The following ADAMTS20 variants were observed in gnomAD, a reference collection of about 807,000 sequenced individuals.
ADAMTS20 encodes ADAM metallopeptidase with thrombospondin type 1 motif 20, also known as A disintegrin and metalloproteinase with thrombospondin motifs 20.
In ADAMTS20, 225 loss-of-function variants were observed where a neutral mutation model predicts 260.1. The ratio of observed to expected loss-of-function variants is 0.87; its 90% CI spans 0.78 to 0.97. The LOEUF (loss-of-function observed/expected upper bound fraction) is 0.97. Among genes scored for constraint, ADAMTS20 ranks in the 50% least tolerant of loss-of-function variants. ADAMTS20 has a pLI of 0.00. For missense variants in ADAMTS20, 2,400 were observed against 2,337.7 expected (o/e 1.03, Z -0.55); for synonymous variants, 802 against 769.5 (o/e 1.04, Z -0.70).
intron 36 of ADAMTS20, among the ~76,000 whole-genome samples, chr12:43,370,314 C>A (rs139522359): frequency 1.3e-5 from 2 of 152,312 alleles, no homozygotes; most frequent in African/African-American, 4.8e-5. Context: ...AGCCCAGGTA[C>A]AATGAGGTCA....
chr12:43,399,252 T>C lies in ADAMTS20; in HGVS notation c.4285-19A>G. On this transcript the variant is annotated intron_variant, in intron 28 of 38. Transcript: ENST00000389420. ...CTGAGCACTAGAAAAGAAATATGAA[T>C]GCACTTGATTCATTTTCTTCTTGAT... 1 of 1,439,174 alleles carries C rather than the reference T, an allele frequency of 6.9e-7. No homozygotes were observed. Among genetic ancestry groups the C allele is most frequent in the East Asian group, 2.7e-5 (1 of 37,672 alleles). The allele number at this position is 1,439,174 out of a possible 1,614,324, so 89.2% of individuals were successfully genotyped here. A position where few individuals can be genotyped will look rare whatever the true frequency, so the allele number is the denominator to read the frequency against.
rs148002341 is a variant in ADAMTS20, at chr12:43,362,253, T to C, written c.5539-5665A>G. On this transcript the variant is annotated intron_variant, in intron 37 of 38. Coordinates refer to ENST00000389420, the MANE Select transcript of ADAMTS20 (RefSeq NM_025003.5). ...TGTTCAGAATGTTAAAAGTTTTAGA[T>C]TACACATCCTTGACTTAAGAACACG... Among the ~76,000 whole-genome samples the C allele has an allele frequency of 7.1e-3, 1,086 of 152,286 alleles. 15 individuals are homozygous for C. The highest frequency in any genetic ancestry group is 0.026 in the African/African-American group (1,064 of 41,552).
rs371950061 is a variant in ADAMTS20 at position 43,375,560 on chromosome 12, A to G, written c.5313-48T>C. 19 of 1,595,592 alleles carry G rather than the reference A, an allele frequency of 1.2e-5. No individual in the cohort carries two copies. In the African/African-American group the frequency reaches 2.4e-4, roughly 20 times the overall value. Reference sequence around the variant, plus strand: ...TAGTATTAGATGCAGTTACGAGGCCATAATGTAGACAAACTTTGGGAGTAG... The same window carrying G: ...TAGTATTAGATGCAGTTACGAGGCCGTAATGTAGACAAACTTTGGGAGTAG... On this transcript the variant is annotated intron_variant, in intron 35 of 38. Transcript: ENST00000389420.
At chr12:43,507,005 G>A (rs979832292) in intron 3 of ADAMTS20, among the ~76,000 whole-genome samples, 15 of 151,044 alleles carry the variant, frequency 9.9e-5, no homozygotes, top group African/African-American at 3.6e-4. Context: ...CTAGTTATAA[G>A]ATGAATAATG....
At chr12:43,530,998 ACT>A (rs965113103) in intron 3 of ADAMTS20, among the ~76,000 whole-genome samples, 9 of 151,930 alleles carry the variant, frequency 5.9e-5, no homozygotes, top group Non-Finnish European at 1.0e-4. Context: ...TCCTGGAGAA[ACT>A]CTCAAAAACA....
chr12:43,464,399 A>C (rs990591232), intron 10 of ADAMTS20, among the ~76,000 whole-genome samples, 192 bp downstream of exon 10: 16 of 152,164 alleles, frequency 1.1e-4, no homozygotes, highest in African/African-American at 3.9e-4. Context: ...TTAAGTACCC[A>C]AAACAGTACC....
intron 2 of ADAMTS20, among the ~76,000 whole-genome samples, chr12:43,549,952 A>G (rs1943490148): frequency 6.6e-6 from 1 of 152,248 alleles, no homozygotes; most frequent in African/African-American, 2.4e-5. Context: ...ACCTTCCAGA[A>G]GTATCTTTTG....
chr12:43,480,858 T>C (rs931574102), intron 7 of ADAMTS20, among the ~76,000 whole-genome samples: 9 of 152,082 alleles, frequency 5.9e-5, no homozygotes, highest in African/African-American at 1.7e-4. Context: ...AAAGGGTACA[T>C]AGTTTCAGTT....
intron 29 of ADAMTS20, among the ~76,000 whole-genome samples, chr12:43,391,029 A>T (rs1940585362): frequency 1.3e-5 from 2 of 152,216 alleles, no homozygotes; most frequent in African/African-American, 4.8e-5. Flanking sequence ...CTCATGGCTT[A>T]TAAACAACAG....
intron 2 of ADAMTS20, among the ~76,000 whole-genome samples, chr12:43,549,740 G>A (rs1470748767): frequency 1.3e-5 from 2 of 152,038 alleles, no homozygotes; most frequent in Non-Finnish European, 2.9e-5. Context: ...TATTTTACAT[G>A]GAAGAAAGAA....
chr12:43,434,321 C>T lies in ADAMTS20; in HGVS notation c.2644G>A (p.Val882Met), dbSNP rs1369690917. Residue 882 changes from valine (V) to methionine (M), a missense_variant, in exon 19 of 39, where the codon GTG becomes ATG. Coordinates refer to ENST00000389420, the MANE Select transcript of ADAMTS20 (RefSeq NM_025003.5). ...AAGTGGTCACATTCTTTATCAGACACAACACTATGATCACTCTTATGTATG... is the reference window on the plus strand; with the variant it reads ...AAGTGGTCACATTCTTTATCAGACATAACACTATGATCACTCTTATGTATG... ...TCIHKSDHSV[V>M]SDKECDHLPL... 6.3e-7 allele frequency: 1 copy of T among 1,593,164 alleles called. No individual in the cohort carries two copies. Among genetic ancestry groups the T allele is most frequent in the East Asian group, 2.3e-5 (1 of 44,354 alleles).
Position 43,369,341 on chromosome 12 carries a change from T to G in ADAMTS20, c.5487A>C (p.Ala1829=). The change falls in exon 37 of 39, where the codon GCA becomes GCC. Residue 1829 remains alanine, a synonymous_variant. Transcript: ENST00000389420. ...AATCTCCAGCTGTGGCAAATGGAACTGCATTTCCAAATATTGTTTTGGAAA... is the reference window on the plus strand; with the variant it reads ...AATCTCCAGCTGTGGCAAATGGAACGGCATTTCCAAATATTGTTTTGGAAA... ...LLFSKTIFGN[A]VPFATAGDCY... 1 of 1,567,548 alleles carries G rather than the reference T, an allele frequency of 6.4e-7. No individual in the cohort carries two copies. The highest frequency in any genetic ancestry group is 8.6e-7 in the Non-Finnish European group (1 of 1,158,186).
chr12:43,373,292 A>C (rs1940145049), intron 36 of ADAMTS20, among the ~76,000 whole-genome samples: 1 of 152,238 alleles, frequency 6.6e-6, no homozygotes, highest in Non-Finnish European at 1.5e-5. Context: ...AAAGCAGTCT[A>C]GTTAACAGCA....
At chr12:43,443,541 G>T (rs1941705183) in intron 16 of ADAMTS20, among the ~76,000 whole-genome samples, 1 of 151,576 alleles carries the variant, frequency 6.6e-6, no homozygotes, top group Non-Finnish European at 1.5e-5. Context: ...ATAATTTCTG[G>T]TTATCTAAAA....
chr12:43,523,735 C>G (rs1943102880), intron 3 of ADAMTS20, among the ~76,000 whole-genome samples: 1 of 152,052 alleles, frequency 6.6e-6, no homozygotes, highest in South Asian at 2.1e-4. Context: ...GAACATGAGA[C>G]CATCTCCCCA....
intron 28 of ADAMTS20, among the ~76,000 whole-genome samples, chr12:43,405,229 C>CAAAAAAAAAAA (rs869040570): frequency 1.9e-4 from 10 of 52,776 alleles, no homozygotes; most frequent in African/African-American, 6.2e-4. Context: ...CTCATCTCTA[C>CAAAAAAAAAAA]AAAAAAAAAA....
At chr12:43,492,355 G>C in intron 6 of ADAMTS20, 150 bp downstream of exon 6, 1 of 926,702 alleles carries the variant, frequency 1.1e-6, no homozygotes, top group East Asian at 3.0e-5. Context: ...ACTCCACCCT[G>C]GGCGACAGAG....
intron 7 of ADAMTS20, among the ~76,000 whole-genome samples, chr12:43,472,248 G>A (rs1166576086): frequency 6.6e-6 from 1 of 151,878 alleles, no homozygotes; most frequent in Non-Finnish European, 1.5e-5. Context: ...GATGGAAGAT[G>A]AAATGAATGA....
chr12:43,451,604 C>A (rs760761591), intron 14 of ADAMTS20, among the ~76,000 whole-genome samples: 2 of 152,108 alleles, frequency 1.3e-5, no homozygotes, highest in East Asian at 3.8e-4. Flanking sequence ...AAGTCTTATG[C>A]GCTCCATAAA....
Sources: gnomAD v4.1 joint callset for allele counts (sites outside exome capture counted in the v4.1 genomes callset) on GRCh38, gnomAD v4.1.1 for gene constraint, MANE v1.5 for transcripts, NCBI Gene and HGNC (gene_info 2026-07-23, HGNC 2026-07-21) for gene names.